Variants in ESRRG observed in about 807,000 individuals in gnomAD.
ESRRG encodes estrogen related receptor gamma.
Under a neutral mutation model 44.0 loss-of-function variants are expected in ESRRG, and 13 were observed. That is an observed-to-expected ratio of 0.30 (90% CI 0.19 to 0.47). The LOEUF (loss-of-function observed/expected upper bound fraction) is 0.47, where lower values mean the gene tolerates loss of function less well. Ranked by LOEUF, ESRRG falls within the 20% of genes least tolerant of loss-of-function variation. ESRRG has a pLI of 1.00. For synonymous variants in ESRRG, 215 were observed against 214.6 expected (o/e 1.00, Z -0.02); for missense variants, 395 against 580.6 (o/e 0.68, Z 3.29).
At chr1:216,821,360 G>T (rs750642001) in intron 2 of ESRRG, among the ~76,000 whole-genome samples, 36 of 152,014 alleles carry the variant, frequency 2.4e-4, no homozygotes, top group Admixed American at 2.3e-3. Flanking sequence ...AATTGTGGGG[G>T]TTTATTTGTG....
At chr1:216,740,982 C>G (rs2090617288) in intron 2 of ESRRG, among the ~76,000 whole-genome samples, 1 of 151,658 alleles carries the variant, frequency 6.6e-6, no homozygotes. Flanking sequence ...TGTTAATTCT[C>G]AGATAAATTT....
intron 2 of ESRRG, among the ~76,000 whole-genome samples, chr1:216,892,762 C>G (rs1355161286): frequency 6.6e-6 from 1 of 152,156 alleles, no homozygotes; most frequent in African/African-American, 2.4e-5. Flanking sequence ...TAACAGCACT[C>G]AGCTATTACA....
At chr1:216,635,310 C>G (rs1173879635) in intron 3 of ESRRG, among the ~76,000 whole-genome samples, 3 of 152,126 alleles carry the variant, frequency 2.0e-5, no homozygotes, top group Non-Finnish European at 1.5e-5. Context: ...CTTGAGCAGG[C>G]AAGTAAAGAG....
chr1:216,889,559 C>A (rs1468440895), intron 2 of ESRRG, among the ~76,000 whole-genome samples: 1 of 152,206 alleles, frequency 6.6e-6, no homozygotes. Context: ...GTCTTCCTTG[C>A]AAACCCATCG....
intron 2 of ESRRG, among the ~76,000 whole-genome samples, chr1:216,655,152 T>C (rs2070132518): frequency 6.6e-6 from 1 of 152,148 alleles, no homozygotes; most frequent in South Asian, 2.1e-4. Flanking sequence ...GTTTTCCTAG[T>C]GTGTTAGAAT....
intron 1 of ESRRG, among the ~76,000 whole-genome samples, chr1:216,678,682 G>A (rs908536552): frequency 2.0e-5 from 3 of 152,066 alleles, no homozygotes; most frequent in Admixed American, 6.6e-5. Context: ...GCAAAACCTC[G>A]TTTAGCAAAA....
In ESRRG at chr1:216,855,632, G is replaced by A. The variant is rs147664679; in HGVS notation, c.-14+83950C>T. Among the ~76,000 whole-genome samples, 1,202 of 152,234 alleles carry A rather than the reference G, an allele frequency of 7.9e-3. 6 individuals are homozygous for A. The highest frequency in any genetic ancestry group is 8.0e-3 in the Non-Finnish European group (541 of 68,012). On this transcript the variant is annotated intron_variant, in intron 2 of 7. Coordinates refer to the ESRRG transcript ENST00000359162. ...TCCAACAAGTCTGAGTCTGTGGCACGTGGAAGGAAGAGTCCTCTCTGTGAC... is the reference window on the plus strand; with the variant it reads ...TCCAACAAGTCTGAGTCTGTGGCACATGGAAGGAAGAGTCCTCTCTGTGAC...
chr1:217,062,427 T>C (rs1046861401), intron 1 of ESRRG, among the ~76,000 whole-genome samples: 10 of 152,158 alleles, frequency 6.6e-5, no homozygotes, highest in African/African-American at 2.4e-4. Flanking sequence ...AACAGGGCAC[T>C]GTATTCAATT....
intron 3 of ESRRG, among the ~76,000 whole-genome samples, chr1:216,605,687 A>G (rs2150221517): frequency 6.6e-6 from 1 of 152,152 alleles, no homozygotes; most frequent in African/African-American, 2.4e-5. Flanking sequence ...CATTTGCTAT[A>G]TTATGTATAG....
At chr1:217,038,347 C>A (rs1449813375) in intron 1 of ESRRG, among the ~76,000 whole-genome samples, 1 of 152,246 alleles carries the variant, frequency 6.6e-6, no homozygotes, top group South Asian at 2.1e-4. Context: ...GACTTTTGTG[C>A]ACCCACAGTC....
At chr1:216,539,553 C>A (rs1319943868) in intron 5 of ESRRG, among the ~76,000 whole-genome samples, 1 of 151,972 alleles carries the variant, frequency 6.6e-6, no homozygotes, top group Admixed American at 6.6e-5. Flanking sequence ...CACACTCCTG[C>A]CTCAGGACCT....
intron 2 of ESRRG, among the ~76,000 whole-genome samples, chr1:216,913,339 T>C (rs2060726738): frequency 6.6e-6 from 1 of 152,020 alleles, no homozygotes; most frequent in Non-Finnish European, 1.5e-5. Context: ...AATATTACAC[T>C]ATTTTATATC....
intron 2 of ESRRG, among the ~76,000 whole-genome samples, chr1:216,773,165 T>C (rs2093451665): frequency 6.6e-6 from 1 of 152,108 alleles, no homozygotes; most frequent in Admixed American, 6.6e-5. Flanking sequence ...ACTTAAAATG[T>C]GTATGCCTTT....
intron 2 of ESRRG, among the ~76,000 whole-genome samples, chr1:216,874,065 G>T (rs1211632572): frequency 6.6e-6 from 1 of 150,626 alleles, no homozygotes; most frequent in Non-Finnish European, 1.5e-5. Context: ...AGGGAGGAAG[G>T]TAGGAAGGCC....
At chr1:216,856,643 T>A (rs1293995376) in intron 2 of ESRRG, among the ~76,000 whole-genome samples, 1 of 152,202 alleles carries the variant, frequency 6.6e-6, no homozygotes, top group Non-Finnish European at 1.5e-5. Context: ...AATCCCTTTA[T>A]AAGATTTTTA....
At chr1:216,998,589 C>T (rs767284714) in intron 1 of ESRRG, among the ~76,000 whole-genome samples, 1 of 152,128 alleles carries the variant, frequency 6.6e-6, no homozygotes, top group Non-Finnish European at 1.5e-5. Context: ...TAGCATTTTG[C>T]TTACATTTTG....
At chr1:216,664,289 C>T (rs888534284) in intron 2 of ESRRG, among the ~76,000 whole-genome samples, 1 of 151,826 alleles carries the variant, frequency 6.6e-6, no homozygotes, top group Admixed American at 6.6e-5. Context: ...CTTCTCTGTG[C>T]CTCAAGTTCC....
intron 2 of ESRRG, among the ~76,000 whole-genome samples, chr1:216,880,339 TCATG>T (rs1279663734): frequency 1.8e-5 from 2 of 113,662 alleles, no homozygotes; most frequent in African/African-American, 3.2e-5. Context: ...AAAAAAGTTT[TCATG>T]CACCTTAAAT....
chr1:216,590,909 T>C (rs1000566492), intron 3 of ESRRG, among the ~76,000 whole-genome samples: 29 of 152,210 alleles, frequency 1.9e-4, no homozygotes, highest in Non-Finnish European at 1.6e-4. Context: ...TAAGCTTTAC[T>C]GACACATGAC....
Sources: gnomAD v4.1 joint callset for allele counts (sites outside exome capture counted in the v4.1 genomes callset) on GRCh38, gnomAD v4.1.1 for gene constraint, MANE v1.5 for transcripts, NCBI Gene and HGNC (gene_info 2026-07-23, HGNC 2026-07-21) for gene names.